Variants in TRIM54 observed in about 807,000 individuals in gnomAD.
TRIM54 encodes tripartite motif containing 54, also known as tripartite motif-containing protein 54.
TRIM54 carries 40 observed loss-of-function variants against 42.0 expected under a neutral mutation model. The ratio of observed to expected loss-of-function variants is 0.95; its 90% CI spans 0.74 to 1.24. TRIM54 has a LOEUF of 1.24. TRIM54 is among the 50% of genes most tolerant of loss of function. The pLI, the probability that TRIM54 is intolerant of heterozygous loss-of-function variation, is 0.00. For synonymous variants in TRIM54, 199 were observed against 194.9 expected (o/e 1.02, Z -0.17); for missense variants, 485 against 480.3 (o/e 1.01, Z -0.09).
chr2:27,304,971 G>A lies in TRIM54; in HGVS notation c.526G>A (p.Asp176Asn), dbSNP rs150158539. The change falls in exon 4 of 9, where the codon GAT becomes AAT. Residue 176 changes from aspartate to asparagine, a missense_variant. Transcript: ENST00000380075. ...GTGTGTGTATCAGAGTGAGCTCAGCGATGGCATCGCGATGCTGGTGGCAGG... is the reference window on the plus strand; with the variant it reads ...GTGTGTGTATCAGAGTGAGCTCAGCAATGGCATCGCGATGCTGGTGGCAGG... ...IYKRQKSELSDGIAMLVAGND... is the reference protein window; with the variant it reads ...IYKRQKSELSNGIAMLVAGND... 33 of 1,614,050 alleles carry A rather than the reference G, an allele frequency of 2.0e-5. No individual in the cohort carries two copies. In the East Asian group the frequency reaches 4.2e-4, roughly 21 times the overall value.
Position 27,306,846 on chromosome 2 carries a change from T to C in TRIM54, c.*2-41T>C. ...AGCGGGGCTCGAGCTGCCTCGTGCC[T>C]TCGCAGCACCCGCCCACCGAGCCTT... On this transcript the variant is annotated intron_variant, in intron 8 of 8. Transcript: ENST00000380075. This position sits in a 1 kb window ranked among gnomAD's most constrained non-coding sequence, Gnocchi z 6.1. 1 of 464,728 alleles carries C rather than the reference T, an allele frequency of 2.2e-6. No homozygotes were observed. Among genetic ancestry groups the C allele is most frequent in the Non-Finnish European group, 3.8e-6 (1 of 260,778 alleles). The allele number at this position is 464,728 out of a possible 1,614,324, so 28.8% of individuals were successfully genotyped here.
intron 1 of TRIM54, among the ~76,000 whole-genome samples, chr2:27,289,239 A>G (rs187351417): frequency 1.3e-5 from 2 of 152,344 alleles, no homozygotes; most frequent in South Asian, 2.1e-4. Context: ...AATGCATGCA[A>G]TATAATACAT....
At chr2:27,283,764 G>GCACACGCACGCGCGCGCGCGCGCGCACA (rs1678455586) in intron 1 of TRIM54, among the ~76,000 whole-genome samples, 3 of 117,864 alleles carry the variant, frequency 2.5e-5, no homozygotes, top group African/African-American at 1.0e-4. Flanking sequence ...AGGGGCAAAG[G>GCACACGCACGCGCGCGCGCGCGCGCACA]CACACACACA....
chr2:27,290,923 G>A (rs1678702248), intron 1 of TRIM54, among the ~76,000 whole-genome samples: 1 of 152,300 alleles, frequency 6.6e-6, no homozygotes, highest in Non-Finnish European at 1.5e-5. Flanking sequence ...TTTGCAAAAG[G>A]TTTGGAACAC....
At chr2:27,298,784 A>G (rs772620548) in intron 2 of TRIM54, 45 bp downstream of exon 2, 3 of 1,597,368 alleles carry the variant, frequency 1.9e-6, no homozygotes, top group Admixed American at 1.7e-5. Flanking sequence ...AGGGCTTGGG[A>G]CACAGCCAAG....
At chr2:27,285,675 A>G (rs1678537870) in intron 1 of TRIM54, among the ~76,000 whole-genome samples, 1 of 152,140 alleles carries the variant, frequency 6.6e-6, no homozygotes, top group Non-Finnish European at 1.5e-5. Context: ...GCCTTTGTTC[A>G]CTTACTCGCT....
intron 1 of TRIM54, among the ~76,000 whole-genome samples, chr2:27,295,077 G>C (rs1420780473): frequency 1.3e-5 from 2 of 151,198 alleles, no homozygotes; most frequent in Non-Finnish European, 2.9e-5. Flanking sequence ...TTGTTTGTTT[G>C]TTTTTTGAGA....
intron 1 of TRIM54, among the ~76,000 whole-genome samples, chr2:27,292,514 G>T (rs978381478): frequency 6.6e-6 from 1 of 152,222 alleles, no homozygotes; most frequent in South Asian, 2.1e-4. Context: ...TGAGACGACA[G>T]AGAGAGAGAT....
intron 1 of TRIM54, among the ~76,000 whole-genome samples, chr2:27,288,647 G>T (rs2148190055): frequency 6.6e-6 from 1 of 152,280 alleles, no homozygotes; most frequent in East Asian, 1.9e-4. Context: ...CTCTGTGTTT[G>T]TGCAGTGCCT....
chr2:27,300,152 TTTTA>T (rs974523605), intron 3 of TRIM54, among the ~76,000 whole-genome samples: 15 of 151,962 alleles, frequency 9.9e-5, no homozygotes, highest in African/African-American at 2.2e-4. Flanking sequence ...AATTATTTTA[TTTTA>T]TTTATTTATT....
chr2:27,290,199 A>AT lies in TRIM54; in HGVS notation c.168+7307dup, dbSNP rs1471238172. Among the ~76,000 whole-genome samples the AT allele has an allele frequency of 1.1e-4, 16 of 152,054 alleles. No homozygotes were observed. The East Asian group carries it at 2.5e-3, about 24-fold the overall frequency. On this transcript the variant is annotated intron_variant, in intron 1 of 8. Coordinates refer to ENST00000380075, the MANE Select transcript of TRIM54 (RefSeq NM_187841.3). ...TAAGAGACACTATCTCTTAAAAAAA[A>AT]TTTTTTTAATTAAAAAGTCTCCCAG...
intron 1 of TRIM54, among the ~76,000 whole-genome samples, chr2:27,284,606 G>A (rs1474855211): frequency 6.6e-6 from 1 of 152,048 alleles, no homozygotes; most frequent in African/African-American, 2.4e-5. Flanking sequence ...TACATGAGAG[G>A]CAATGCTTTG....
chr2:27,298,695 G>C lies in TRIM54; in HGVS notation c.297G>C (p.Leu99=). ...RHGVYGLQRN[L]LVENIIDIYK... ...GTGTCTACGGCCTGCAGCGAAACCT[G>C]CTAGTGGAGAACATTATCGACATTT... Residue 99 remains leucine (L), a synonymous_variant, in exon 2 of 9, where the codon CTG becomes CTC. Transcript: ENST00000380075. 1 of 1,614,188 alleles carries C rather than the reference G, an allele frequency of 6.2e-7. No individual in the cohort carries two copies. Among genetic ancestry groups the C allele is most frequent in the Middle Eastern group, 1.6e-4 (1 of 6,062 alleles).
chr2:27,283,666 T>C (rs1257621731), intron 1 of TRIM54, among the ~76,000 whole-genome samples: 2 of 151,166 alleles, frequency 1.3e-5, no homozygotes, highest in Admixed American at 1.3e-4. Context: ...TATACCAGAA[T>C]GGATTATAAG....
chr2:27,300,966 G>C (rs1008716827), intron 3 of TRIM54, among the ~76,000 whole-genome samples: 2 of 152,064 alleles, frequency 1.3e-5, no homozygotes, highest in African/African-American at 4.8e-5. Flanking sequence ...CTCTGTTAGA[G>C]GAAAGAGGTC....
chr2:27,287,829 T>C (rs1327116277), intron 1 of TRIM54, among the ~76,000 whole-genome samples: 1 of 152,258 alleles, frequency 6.6e-6, no homozygotes, highest in Non-Finnish European at 1.5e-5. Context: ...GCACCTGGCC[T>C]TAAACTGACC....
At position 27,282,587 on chromosome 2, in the gene TRIM54, T is replaced by C; in HGVS notation, c.-145T>C. On this transcript the variant is annotated 5_prime_UTR_variant, in exon 1 of 9. Coordinates refer to ENST00000380075, the MANE Select transcript of TRIM54 (RefSeq NM_187841.3). Reference sequence around the variant, plus strand: ...AGACTGCTATCTGGGACGAGACAAGTTGTTAAAGGGACAGGAGAGAAAGCA... The same window carrying C: ...AGACTGCTATCTGGGACGAGACAAGCTGTTAAAGGGACAGGAGAGAAAGCA... 1 of 833,842 alleles carries C rather than the reference T, an allele frequency of 1.2e-6. No individual in the cohort carries two copies. Among genetic ancestry groups the C allele is most frequent in the Non-Finnish European group, 1.8e-6 (1 of 555,618 alleles). 51.7% of individuals were successfully genotyped at this position (833,842 alleles called of 1,614,324 possible).
At chr2:27,289,797 G>A (rs1572519428) in intron 1 of TRIM54, among the ~76,000 whole-genome samples, 3 of 151,060 alleles carry the variant, frequency 2.0e-5, no homozygotes, top group Admixed American at 6.6e-5. Flanking sequence ...CAGGAGGATC[G>A]CTTGAGCCTA....
intron 3 of TRIM54, among the ~76,000 whole-genome samples, chr2:27,304,032 T>G (rs949382852): frequency 6.6e-6 from 1 of 151,392 alleles, no homozygotes; most frequent in Non-Finnish European, 1.5e-5. Flanking sequence ...GGGGAAATGT[T>G]GAAACCCCGT....
Sources: allele counts gnomAD v4.1 joint callset (sites outside exome capture counted in the v4.1 genomes callset), GRCh38; gene constraint gnomAD v4.1.1; non-coding constraint Gnocchi (gnomAD v3.1); transcripts MANE v1.5; gene names NCBI Gene and HGNC (gene_info 2026-07-23, HGNC 2026-07-21).